Variants in MAMDC2 observed in about 807,000 individuals in gnomAD.
MAMDC2 encodes the protein MAM domain containing 2.
In MAMDC2, 57 loss-of-function variants were observed where a neutral mutation model predicts 89.8. The observed-to-expected ratio is 0.63, with a 90% confidence interval of 0.51 to 0.79. MAMDC2 has a LOEUF of 0.79. Among genes scored for constraint, MAMDC2 ranks in the 30% least tolerant of loss-of-function variants. MAMDC2 has a pLI of 0.00. For missense variants in MAMDC2, 800 were observed against 820.6 expected (o/e 0.97, Z 0.31); for synonymous variants, 313 against 293.4 (o/e 1.07, Z -0.68).
intron 9 of MAMDC2, among the ~76,000 whole-genome samples, chr9:70,155,393 T>A (rs2031723984): frequency 6.6e-6 from 1 of 152,172 alleles, no homozygotes; most frequent in South Asian, 2.1e-4. Context: ...CTGCCTCTCT[T>A]CATCTCCTGA....
intron 9 of MAMDC2, among the ~76,000 whole-genome samples, chr9:70,162,925 C>T (rs374175976): frequency 3.5e-5 from 4 of 113,512 alleles, no homozygotes; most frequent in Admixed American, 8.8e-5. Context: ...AAAAAAAAAA[C>T]TTTAGAAGAG....
intron 2 of MAMDC2, among the ~76,000 whole-genome samples, chr9:70,084,412 G>A (rs1233263221): frequency 2.0e-5 from 3 of 152,074 alleles, no homozygotes; most frequent in African/African-American, 7.2e-5. Context: ...CTGATATAGA[G>A]TAGATGCTCA....
chr9:70,149,741 G>A (rs2031524750), intron 9 of MAMDC2, among the ~76,000 whole-genome samples: 1 of 152,174 alleles, frequency 6.6e-6, no homozygotes, highest in African/African-American at 2.4e-5. Context: ...TTTATAAAGT[G>A]CACCAGGGTA....
chr9:70,065,239 T>C (rs571338881), intron 2 of MAMDC2, among the ~76,000 whole-genome samples: 14 of 152,310 alleles, frequency 9.2e-5, no homozygotes, highest in Non-Finnish European at 1.8e-4. Context: ...AGGTGTTTTG[T>C]GGTGAACATT....
intron 8 of MAMDC2, among the ~76,000 whole-genome samples, chr9:70,142,109 G>T (rs1215902302): frequency 6.6e-6 from 1 of 152,194 alleles, no homozygotes; most frequent in Non-Finnish European, 1.5e-5. Context: ...ACAGTAGAAA[G>T]AAATGAAGAG....
intron 11 of MAMDC2, among the ~76,000 whole-genome samples, chr9:70,193,580 T>A (rs1455509033): frequency 6.8e-6 from 1 of 146,536 alleles, no homozygotes; most frequent in African/African-American, 2.5e-5. Context: ...CATTTAGTCC[T>A]AACAACCTTT....
intron 11 of MAMDC2, among the ~76,000 whole-genome samples, chr9:70,187,560 A>AT (rs891142430): frequency 8.9e-4 from 135 of 152,174 alleles, no homozygotes; most frequent in African/African-American, 2.9e-3. Context: ...ATTCTAGAAC[A>AT]TTTTTTATCA....
chr9:70,083,101 AT>A (rs1370240665), intron 2 of MAMDC2, among the ~76,000 whole-genome samples: 1 of 152,176 alleles, frequency 6.6e-6, no homozygotes, highest in African/African-American at 2.4e-5. Context: ...AGGACATTTT[AT>A]TTTATAAGTA....
intron 2 of MAMDC2, among the ~76,000 whole-genome samples, chr9:70,054,330 A>G (rs1025320717): frequency 6.6e-6 from 1 of 152,200 alleles, no homozygotes. Context: ...AGGTATAGGA[A>G]GGAGATGGGG....
chr9:70,129,267 T>G (rs2030692327), intron 6 of MAMDC2, among the ~76,000 whole-genome samples: 1 of 152,190 alleles, frequency 6.6e-6, no homozygotes, highest in South Asian at 2.1e-4. Flanking sequence ...CTGACAGTTT[T>G]ATAAGGATGA....
At chr9:70,098,961 A>T (rs914524163) in intron 2 of MAMDC2, among the ~76,000 whole-genome samples, 12 of 152,214 alleles carry the variant, frequency 7.9e-5, no homozygotes, top group Admixed American at 6.5e-5. Flanking sequence ...TTCTTACCAG[A>T]TGACTTGAGC....
chr9:70,175,504 CTTATT>C (rs1234808587), intron 11 of MAMDC2, among the ~76,000 whole-genome samples: 2 of 47,234 alleles, frequency 4.2e-5, no homozygotes, highest in Admixed American at 3.0e-4. Flanking sequence ...TTATAATTGT[CTTATT>C]TTATTATTCC....
intron 11 of MAMDC2, among the ~76,000 whole-genome samples, chr9:70,182,232 T>A (rs2032659732): frequency 6.6e-6 from 1 of 152,228 alleles, no homozygotes. Flanking sequence ...ATAAGCTTTT[T>A]GATGTGCTGC....
intron 2 of MAMDC2, among the ~76,000 whole-genome samples, chr9:70,104,129 C>G (rs1828272536): frequency 6.6e-6 from 1 of 152,008 alleles, no homozygotes; most frequent in Admixed American, 6.6e-5. Flanking sequence ...TTAAAATGGA[C>G]AAACGATTTG....
intron 6 of MAMDC2, among the ~76,000 whole-genome samples, chr9:70,129,208 C>T (rs932113807): frequency 6.6e-6 from 1 of 152,130 alleles, no homozygotes; most frequent in South Asian, 2.1e-4. Context: ...ATTATGGGGG[C>T]AGTTCTTTCT....
At chr9:70,097,094 C>G (rs1828048425) in intron 2 of MAMDC2, among the ~76,000 whole-genome samples, 1 of 152,120 alleles carries the variant, frequency 6.6e-6, no homozygotes, top group Non-Finnish European at 1.5e-5. Context: ...TCAATAGTGA[C>G]ACTCTATTCA....
At chr9:70,223,087 T>C (rs1373419636) in intron 12 of MAMDC2, among the ~76,000 whole-genome samples, 2 of 144,520 alleles carry the variant, frequency 1.4e-5, no homozygotes, top group Non-Finnish European at 3.0e-5. Flanking sequence ...TGCAGTGAGC[T>C]GATATCGCAT....
At chr9:70,058,050 A>AG (rs1374723955) in intron 2 of MAMDC2, among the ~76,000 whole-genome samples, 3 of 152,232 alleles carry the variant, frequency 2.0e-5, no homozygotes, top group African/African-American at 7.2e-5. Context: ...GACCAAAGTG[A>AG]CATTTGCAAG....
In MAMDC2 at chr9:70,116,443, C is replaced by T. The variant is rs183954860; in HGVS notation, c.643+3311C>T. 1.3e-3 allele frequency among the ~76,000 whole-genome samples: 200 copies of T among 152,270 alleles called. 1 individual carries two copies. Among genetic ancestry groups the T allele is most frequent in the Non-Finnish European group, 2.5e-3 (170 of 68,038 alleles). ...CAGGCTAGGAGTCCAAATACTTGTG[C>T]TCCAGGCCCAGTTATCAGAGTACTT... On this transcript the variant is annotated intron_variant, in intron 5 of 13. Coordinates refer to ENST00000377182, the MANE Select transcript of MAMDC2 (RefSeq NM_153267.5).
Sources: gnomAD v4.1 joint callset for allele counts (sites outside exome capture counted in the v4.1 genomes callset) on GRCh38, gnomAD v4.1.1 for gene constraint, MANE v1.5 for transcripts, NCBI Gene and HGNC (gene_info 2026-07-23, HGNC 2026-07-21) for gene names.